Variants in CBR4 observed in about 807,000 individuals in gnomAD.
CBR4 encodes carbonyl reductase 4.
In CBR4, 22 loss-of-function variants were observed where a neutral mutation model predicts 21.0. The ratio of observed to expected loss-of-function variants is 1.05; its 90% CI spans 0.75 to 1.50. The LOEUF is 1.50. Among genes scored for constraint, CBR4 ranks in the 40% most tolerant of loss-of-function variants. CBR4 has a pLI of 0.00. For missense variants in CBR4, 302 were observed against 286.3 expected, an observed-to-expected ratio of 1.05 and a Z score of -0.40; for synonymous variants, 100 against 104.4, an observed-to-expected ratio of 0.96 and a Z score of 0.26.
At chr4:168,960,779 T>C (rs1763826623) in intron 2 of CBR4, among the ~76,000 whole-genome samples, 1 of 152,210 alleles carries the variant, frequency 6.6e-6, no homozygotes, top group Non-Finnish European at 1.5e-5. Context: ...TTGCTGAGAT[T>C]TAAAAGTCTT....
intron 2 of CBR4, chr4:168,925,417 T>C: frequency 1.4e-6 from 1 of 733,270 alleles, no homozygotes; most frequent in Non-Finnish European, 2.5e-6. Flanking sequence ...TTTTCACATG[T>C]TCTTGTTACT....
Position 168,988,287 on chromosome 4 carries a change from T to C in CBR4, c.*1863A>G, listed in dbSNP as rs1186313301. ...AGATAGGCTGGGGGAGGAGGTGGAATAGCTTAAAAGGTTATATTTCTTATT... is the reference window on the plus strand; with the variant it reads ...AGATAGGCTGGGGGAGGAGGTGGAACAGCTTAAAAGGTTATATTTCTTATT... On this transcript the variant is annotated 3_prime_UTR_variant, in exon 5 of 5. Coordinates refer to ENST00000306193, the MANE Select transcript of CBR4 (RefSeq NM_032783.5). The C allele has an allele frequency of 1.0e-6, 1 of 985,078 alleles. No homozygotes were observed. The highest frequency in any genetic ancestry group is 1.2e-6 in the Non-Finnish European group (1 of 829,726). The allele number at this position is 985,078 out of a possible 1,614,324, so 61.0% of individuals were successfully genotyped here.
chr4:168,990,618 G>A (rs1426987408), intron 4 of CBR4, among the ~76,000 whole-genome samples: 1 of 151,870 alleles, frequency 6.6e-6, no homozygotes, highest in African/African-American at 2.4e-5. Flanking sequence ...TGTACTTTTT[G>A]TAGAGTTGGG....
At position 168,917,551 on chromosome 4, in the gene CBR4, T is replaced by C. The variant is rs1256750319; in HGVS notation, n.170-22786A>G. Among the ~76,000 whole-genome samples the C allele has an allele frequency of 2.0e-5, 3 of 152,236 alleles. No homozygotes were observed. The South Asian group carries it at 6.2e-4, about 32-fold the overall frequency. On this transcript the variant is annotated intron_variant and non_coding_transcript_variant, in intron 2 of 3. Transcript: ENST00000509108. ...GCCCCCTGTTTACTGATCTTAAATT[T>C]AGTTTAACTCTTAAATATGGATAAG... is the stretch of plus-strand genomic sequence containing the variant.
downstream of CBR4, among the ~76,000 whole-genome samples, chr4:168,983,712 T>C (rs1279253013): frequency 6.6e-6 from 1 of 152,080 alleles, no homozygotes; most frequent in African/African-American, 2.4e-5. Flanking sequence ...TAATCCACCA[T>C]GATCAAGTAT....
Position 168,988,837 on chromosome 4 carries a change from T to A in CBR4, c.*1313A>T, listed in dbSNP as rs931752107. ...CACTGCTTTGACTTTTGTTATTACT[T>A]TGTATTTATTAGTATATCCTATTCA... is the stretch of plus-strand genomic sequence containing the variant. On this transcript the variant is annotated 3_prime_UTR_variant, in exon 5 of 5. Transcript: ENST00000306193. The A allele has an allele frequency of 3.1e-6, 3 of 955,600 alleles. No individual in the cohort carries two copies. The highest frequency in any genetic ancestry group is 5.3e-4 in the Middle Eastern group (1 of 1,880). 59.2% of individuals were successfully genotyped at this position (955,600 alleles called of 1,614,324 possible). A position where few individuals can be genotyped will look rare whatever the true frequency, so the allele number is the denominator to read the frequency against.
At chr4:169,008,398 C>T (rs530597606) in intron 1 of CBR4, among the ~76,000 whole-genome samples, 28 of 152,256 alleles carry the variant, frequency 1.8e-4, no homozygotes, top group South Asian at 1.7e-3. Flanking sequence ...AAAAACTACA[C>T]TTCAAAGGAA....
chr4:168,951,744 C>G (rs1202574864), intron 2 of CBR4, among the ~76,000 whole-genome samples: 1 of 152,212 alleles, frequency 6.6e-6, no homozygotes, highest in Non-Finnish European at 1.5e-5. Flanking sequence ...GACAGGGCCC[C>G]AATCCCTTCT....
At chr4:168,932,178 C>A (rs568003448) in intron 2 of CBR4, among the ~76,000 whole-genome samples, 7 of 151,520 alleles carry the variant, frequency 4.6e-5, no homozygotes, top group Admixed American at 2.0e-4. Context: ...GAGAATATAG[C>A]TAAACTGTTC....
chr4:168,925,818 T>A (rs935197214), intron 2 of CBR4, among the ~76,000 whole-genome samples: 11 of 152,202 alleles, frequency 7.2e-5, no homozygotes, highest in Admixed American at 5.2e-4. Flanking sequence ...TCCTTTCAGT[T>A]GATTAGTGTT....
At chr4:168,922,096 TATATATACACACAC>T (rs1255071715) in intron 2 of CBR4, among the ~76,000 whole-genome samples, 18 of 104,910 alleles carry the variant, frequency 1.7e-4, no homozygotes, top group African/African-American at 4.2e-4. Context: ...TATATATATA[TATATATACACACAC>T]ACACACACAC....
At chr4:168,950,262 T>C (rs1185571994) in intron 2 of CBR4, among the ~76,000 whole-genome samples, 1 of 152,176 alleles carries the variant, frequency 6.6e-6, no homozygotes, top group Non-Finnish European at 1.5e-5. Context: ...ACTTTCCTCT[T>C]AGCACCGCCT....
chr4:168,986,207 T>C (rs1366642376), downstream of CBR4, among the ~76,000 whole-genome samples: 2 of 152,344 alleles, frequency 1.3e-5, no homozygotes, highest in Admixed American at 6.5e-5. Flanking sequence ...GTAAAGTATA[T>C]GGGAGGATAT....
At chr4:168,992,156 T>C (rs1764956364) in intron 4 of CBR4, among the ~76,000 whole-genome samples, 2 of 152,238 alleles carry the variant, frequency 1.3e-5, no homozygotes, top group African/African-American at 4.8e-5. Context: ...ATGAAGCTTA[T>C]GAATGACACT....
rs1271381023 is a variant in CBR4 at position 168,988,307 on chromosome 4, CTTATT to C, written c.*1838_*1842del. Reference sequence around the variant, plus strand: ...TGGAATAGCTTAAAAGGTTATATTTCTTATTTTAAAGTATAAAAACATACACTTAA... The same window carrying C: ...TGGAATAGCTTAAAAGGTTATATTTCTTAAAGTATAAAAACATACACTTAA... On this transcript the variant is annotated 3_prime_UTR_variant, in exon 5 of 5. Transcript: ENST00000306193. 10 of 984,716 alleles carry C rather than the reference CTTATT, an allele frequency of 1.0e-5. No individual in the cohort carries two copies. The highest frequency in any genetic ancestry group is 6.2e-5 in the Admixed American group (1 of 16,258). 61.0% of individuals were successfully genotyped at this position (984,716 alleles called of 1,614,324 possible).
intron 2 of CBR4, among the ~76,000 whole-genome samples, chr4:168,909,481 C>G (rs1374012757): frequency 6.6e-6 from 1 of 152,078 alleles, no homozygotes; most frequent in Non-Finnish European, 1.5e-5. Context: ...GCTTTAAACT[C>G]TGTGGATTTG....
intron 3 of CBR4, chr4:169,005,859 A>G (rs1052136895): frequency 7.8e-7 from 1 of 1,284,540 alleles, no homozygotes; most frequent in East Asian, 5.5e-5. Context: ...ACCATTTCCT[A>G]CATTTAAAAG....
At chr4:168,960,523 T>G (rs1270536064) in intron 2 of CBR4, among the ~76,000 whole-genome samples, 2 of 152,216 alleles carry the variant, frequency 1.3e-5, no homozygotes, top group African/African-American at 2.4e-5. Context: ...ATTTTTCTAC[T>G]ATTGTATACT....
chr4:168,968,296 G>A (rs534359208), intron 2 of CBR4, among the ~76,000 whole-genome samples: 1 of 152,296 alleles, frequency 6.6e-6, no homozygotes, highest in South Asian at 2.1e-4. Flanking sequence ...AAGGTTTGTA[G>A]GGCATTGCCA....
Sources: allele counts gnomAD v4.1 joint callset (sites outside exome capture counted in the v4.1 genomes callset), GRCh38; gene constraint gnomAD v4.1.1; transcripts MANE v1.5; gene names NCBI Gene and HGNC (gene_info 2026-07-23, HGNC 2026-07-21).